PCLO: variants seen among roughly 807,000 people sequenced by gnomAD.
PCLO encodes piccolo presynaptic cytomatrix protein, also known as protein piccolo.
PCLO carries 82 observed loss-of-function variants against 427.5 expected under a neutral mutation model. The ratio of observed to expected loss-of-function variants is 0.19; its 90% CI spans 0.16 to 0.23. The LOEUF is 0.23. Among genes scored for constraint, PCLO ranks in the 10% least tolerant of loss-of-function variants. PCLO has a pLI of 1.00. For synonymous variants in PCLO, 2,357 were observed against 2,155.4 expected, an observed-to-expected ratio of 1.09 and a Z score of -2.59; for missense variants, 6,239 against 6,115.9, an observed-to-expected ratio of 1.02 and a Z score of -0.67.
intron 6 of PCLO, among the ~76,000 whole-genome samples, chr7:82,918,254 C>T (rs1794514787): frequency 6.6e-6 from 1 of 151,874 alleles, no homozygotes; most frequent in East Asian, 1.9e-4. Context: ...CCTACTCATT[C>T]TCAATTCTTT....
chr7:82,951,705 C>T lies in PCLO; in HGVS notation c.9097+151G>A, dbSNP rs78717101. 4.4e-3 allele frequency: 5,224 copies of T among 1,199,418 alleles called. 177 individuals are homozygous for T. The African/African-American group carries it at 0.071, about 16-fold the overall frequency. The allele number at this position is 1,199,418 out of a possible 1,614,324, so 74.3% of individuals were successfully genotyped here. ...TTTTTTTAAAATGAAGGAACAAAAG[C>T]GCACTTGTACTCCAAAATATGCTGC... On this transcript the variant is annotated intron_variant, in intron 5 of 24. Coordinates refer to ENST00000333891, the MANE Select transcript of PCLO (RefSeq NM_033026.6).
intron 21 of PCLO, among the ~76,000 whole-genome samples, chr7:82,803,053 C>T (rs537535782): frequency 6.6e-6 from 1 of 152,130 alleles, no homozygotes; most frequent in Admixed American, 6.5e-5. Flanking sequence ...CCATGGTCTG[C>T]ATGGTCAACA....
At chr7:82,971,965 T>C (rs1196668594) in intron 3 of PCLO, among the ~76,000 whole-genome samples, 2 of 151,538 alleles carry the variant, frequency 1.3e-5, no homozygotes, top group African/African-American at 4.9e-5. Context: ...AATAAAAGTT[T>C]ATGTTTCATC....
intron 3 of PCLO, among the ~76,000 whole-genome samples, chr7:83,050,655 C>A (rs1319463578): frequency 6.6e-6 from 1 of 151,494 alleles, no homozygotes; most frequent in Non-Finnish European, 1.5e-5. Flanking sequence ...TAATGTAATT[C>A]CACCTTGGGA....
intron 3 of PCLO, among the ~76,000 whole-genome samples, chr7:83,088,714 G>A (rs1424315819): frequency 6.6e-6 from 1 of 152,044 alleles, no homozygotes; most frequent in Non-Finnish European, 1.5e-5. Flanking sequence ...ATGTTCAGCA[G>A]CCCCTGCCTC....
chr7:83,057,087 T>A (rs1315901800), intron 3 of PCLO, among the ~76,000 whole-genome samples: 1 of 150,672 alleles, frequency 6.6e-6, no homozygotes, highest in South Asian at 2.1e-4. Context: ...TAACCATATA[T>A]ATATATATTT....
At chr7:82,977,410 T>G (rs149048862) in intron 3 of PCLO, among the ~76,000 whole-genome samples, 79 of 149,934 alleles carry the variant, frequency 5.3e-4, no homozygotes, top group African/African-American at 1.6e-3. Context: ...ATTTATTTAT[T>G]TATTTATTTA....
intron 3 of PCLO, among the ~76,000 whole-genome samples, chr7:83,133,485 T>C (rs78840759): frequency 0.043 from 6,538 of 152,148 alleles, 183 homozygotes; most frequent in Middle Eastern, 0.089. Flanking sequence ...CTTTTATAAC[T>C]ATATTAGAAA....
intron 10 of PCLO, among the ~76,000 whole-genome samples, chr7:82,869,537 T>C (rs1793178159): frequency 6.6e-6 from 1 of 152,068 alleles, no homozygotes; most frequent in Non-Finnish European, 1.5e-5. Flanking sequence ...TCCGAGAGCA[T>C]CCTGACAAAC....
intron 3 of PCLO, among the ~76,000 whole-genome samples, chr7:83,038,017 A>ATC (rs1475193761): frequency 2.2e-5 from 1 of 44,928 alleles, no homozygotes; most frequent in Middle Eastern, 7.1e-3. Flanking sequence ...ATATATATAT[A>ATC]TATATATATA....
chr7:82,980,518 G>A (rs1583867407), intron 3 of PCLO, among the ~76,000 whole-genome samples: 1 of 152,258 alleles, frequency 6.6e-6, no homozygotes, highest in South Asian at 2.1e-4. Flanking sequence ...GTACCCTAAA[G>A]AAAATTGACA....
chr7:83,127,339 C>T (rs1375281733), intron 3 of PCLO, among the ~76,000 whole-genome samples: 2 of 113,344 alleles, frequency 1.8e-5, no homozygotes, highest in African/African-American at 4.2e-5. Context: ...ATAACTATCC[C>T]AATAAAGTTT....
chr7:82,867,865 C>T (rs1055345998), intron 10 of PCLO, among the ~76,000 whole-genome samples: 5 of 152,242 alleles, frequency 3.3e-5, no homozygotes, highest in Non-Finnish European at 7.4e-5. Context: ...TTTCTTTGTA[C>T]TGGCAATGTA....
chr7:82,992,471 G>A lies in PCLO; in HGVS notation c.3301-25984C>T, dbSNP rs575393978. Among the ~76,000 whole-genome samples the A allele has an allele frequency of 2.6e-5, 4 of 152,178 alleles. No homozygotes were observed. The South Asian group carries it at 8.3e-4, about 32-fold the overall frequency. ...CCTATCTATCCTGGATTTTAAAGTT[G>A]TCATACTAGACAGACAAGCCTGGGT... On this transcript the variant is annotated intron_variant, in intron 3 of 24. Coordinates refer to ENST00000333891, the MANE Select transcript of PCLO (RefSeq NM_033026.6).
At chr7:82,760,308 C>CAT (rs558037558) in intron 24 of PCLO, among the ~76,000 whole-genome samples, 23 of 151,914 alleles carry the variant, frequency 1.5e-4, no homozygotes, top group African/African-American at 4.1e-4. Flanking sequence ...AGGGATAAGG[C>CAT]ATAAATGACA....
At chr7:83,004,436 G>C (rs1400658186) in intron 3 of PCLO, among the ~76,000 whole-genome samples, 5 of 151,430 alleles carry the variant, frequency 3.3e-5, no homozygotes, top group African/African-American at 4.8e-5. Flanking sequence ...TGGTGTTGGG[G>C]AAACTGGATA....
In PCLO at chr7:83,158,456, T is replaced by C. The variant is rs568289210; in HGVS notation, c.249-2064A>G. Among the ~76,000 whole-genome samples the C allele has an allele frequency of 2.0e-5, 3 of 152,084 alleles. No homozygotes were observed. The South Asian group carries it at 6.2e-4, about 32-fold the overall frequency. On this transcript the variant is annotated intron_variant, in intron 1 of 24. Coordinates refer to ENST00000333891, the MANE Select transcript of PCLO (RefSeq NM_033026.6). ...GGTATGGCAATCCTATGAGTAATCATTAGGCATTTTATTTAAATAACTTCC... is the reference window on the plus strand; with the variant it reads ...GGTATGGCAATCCTATGAGTAATCACTAGGCATTTTATTTAAATAACTTCC...
intron 3 of PCLO, among the ~76,000 whole-genome samples, chr7:83,023,450 T>C (rs527658744): frequency 6.6e-6 from 1 of 152,320 alleles, no homozygotes; most frequent in East Asian, 1.9e-4. Context: ...TACTCTCCCA[T>C]CTGAAATCTG....
chr7:82,968,467 A>G (rs925706704), intron 3 of PCLO, among the ~76,000 whole-genome samples: 1 of 151,856 alleles, frequency 6.6e-6, no homozygotes, highest in African/African-American at 2.4e-5. Flanking sequence ...GGTTTTAAAA[A>G]CTATTACTTG....
Sources: allele counts gnomAD v4.1 joint callset (sites outside exome capture counted in the v4.1 genomes callset), GRCh38; gene constraint gnomAD v4.1.1; transcripts MANE v1.5; gene names NCBI Gene and HGNC (gene_info 2026-07-23, HGNC 2026-07-21).